The following UBE2E2 variants were observed in gnomAD, a reference collection of about 807,000 sequenced individuals.
UBE2E2 encodes the protein ubiquitin-conjugating enzyme E2 E2.
Under a neutral mutation model 24.7 loss-of-function variants are expected in UBE2E2, and 6 were observed. The observed-to-expected ratio is 0.24, with a 90% CI of 0.13 to 0.48. The LOEUF is 0.48. Among genes scored for constraint, UBE2E2 ranks in the 20% least tolerant of loss-of-function variants. The pLI, the probability that UBE2E2 is intolerant of heterozygous loss-of-function variation, is 0.99. For synonymous variants in UBE2E2, 104 were observed against 83.6 expected (o/e 1.24, Z -1.33); for missense variants, 169 against 245.0 (o/e 0.69, Z 2.07).
intron 3 of UBE2E2, among the ~76,000 whole-genome samples, chr3:23,284,711 A>ATT (rs1009461952): frequency 2.6e-5 from 4 of 151,688 alleles, no homozygotes; most frequent in African/African-American, 7.3e-5. Flanking sequence ...GTAGGTGGTG[A>ATT]TTATATATAT....
At chr3:23,565,113 G>C (rs1045968631) in intron 5 of UBE2E2, among the ~76,000 whole-genome samples, 2 of 152,060 alleles carry the variant, frequency 1.3e-5, no homozygotes, top group African/African-American at 4.8e-5. Flanking sequence ...CCATTATTTT[G>C]TGTCAGTTTC....
chr3:23,235,823 T>C (rs1326486196), intron 3 of UBE2E2, among the ~76,000 whole-genome samples: 1 of 152,080 alleles, frequency 6.6e-6, no homozygotes, highest in South Asian at 2.1e-4. Flanking sequence ...AGATAAGTGG[T>C]TTGATGGACA....
chr3:23,571,280 C>CTTTCTTTCTTTTTTTTTTTTTTTTTT (rs1696218039), intron 5 of UBE2E2, among the ~76,000 whole-genome samples: 1 of 29,866 alleles, frequency 3.3e-5, no homozygotes, highest in African/African-American at 1.0e-4. Context: ...GTGCTCCTTT[C>CTTTCTTTCTTTTTTTTTTTTTTTTTT]TTTTTTTTTT....
chr3:23,328,065 T>TG (rs56804241), intron 3 of UBE2E2, among the ~76,000 whole-genome samples: 5 of 150,286 alleles, frequency 3.3e-5, no homozygotes, highest in African/African-American at 9.8e-5. Context: ...GTGGTCATGA[T>TG]ATATAAATAC....
intron 3 of UBE2E2, among the ~76,000 whole-genome samples, chr3:23,265,512 G>T (rs1698024396): frequency 6.6e-6 from 1 of 151,138 alleles, no homozygotes; most frequent in South Asian, 2.1e-4. Flanking sequence ...CATGGAATAA[G>T]CTAAAGAACA....
At position 23,269,116 on chromosome 3, in the gene UBE2E2, G is replaced by T. The variant is rs565042214; in HGVS notation, c.227+51804G>T. Among the ~76,000 whole-genome samples the T allele has an allele frequency of 5.1e-3, 776 of 152,032 alleles. 6 individuals are homozygous for T. The highest frequency in any genetic ancestry group is 0.018 in the African/African-American group (741 of 41,458). ...ATAAAAACCCTAGAAGAAAACCTAG[G>T]CATTACTGTTCAGGACATAGGCATG... On this transcript the variant is annotated intron_variant, in intron 3 of 5. Coordinates refer to ENST00000396703, the MANE Select transcript of UBE2E2 (RefSeq NM_152653.4).
intron 3 of UBE2E2, among the ~76,000 whole-genome samples, chr3:23,455,816 A>G (rs1198374272): frequency 6.6e-6 from 1 of 152,178 alleles, no homozygotes; most frequent in African/African-American, 2.4e-5. Context: ...TCACTGATCA[A>G]GGTGGTGGTT....
chr3:23,346,339 T>C (rs1362124403), intron 3 of UBE2E2, among the ~76,000 whole-genome samples: 2 of 152,168 alleles, frequency 1.3e-5, no homozygotes, highest in Non-Finnish European at 2.9e-5. Context: ...ACCTTTTATC[T>C]CTAGTCTACT....
intron 3 of UBE2E2, among the ~76,000 whole-genome samples, chr3:23,254,733 G>A (rs1354683377): frequency 2.0e-5 from 3 of 152,088 alleles, no homozygotes; most frequent in African/African-American, 7.2e-5. Flanking sequence ...TAGCCAAGAA[G>A]GACTTGCTAT....
intron 3 of UBE2E2, among the ~76,000 whole-genome samples, chr3:23,364,139 A>G (rs575338649): frequency 2.0e-5 from 3 of 152,138 alleles, no homozygotes; most frequent in Non-Finnish European, 4.4e-5. Flanking sequence ...AGTATATAGC[A>G]CTAAACACCC....
At chr3:23,423,784 A>G (rs1336002740) in intron 3 of UBE2E2, among the ~76,000 whole-genome samples, 1 of 152,150 alleles carries the variant, frequency 6.6e-6, no homozygotes. Context: ...TGAGAATATG[A>G]TAATAAACCC....
At chr3:23,429,729 A>C (rs1698010931) in intron 3 of UBE2E2, among the ~76,000 whole-genome samples, 1 of 152,234 alleles carries the variant, frequency 6.6e-6, no homozygotes, top group Non-Finnish European at 1.5e-5. Flanking sequence ...GGAAGAAATT[A>C]GACTTTCTTC....
Position 23,273,265 on chromosome 3 carries a change from C to T in UBE2E2, c.227+55953C>T, listed in dbSNP as rs545509487. ...CTTTAAGAGAAATGATGGGGCCGGG[C>T]GCAGTGGCTCACGCCTGTAATCCCA... On this transcript the variant is annotated intron_variant, in intron 3 of 5. Transcript: ENST00000396703. Among the ~76,000 whole-genome samples, 20 of 152,218 alleles carry T rather than the reference C, an allele frequency of 1.3e-4. No individual in the cohort carries two copies. In the East Asian group the frequency reaches 3.1e-3, roughly 24 times the overall value.
At chr3:23,465,259 T>G (rs908065700) in intron 3 of UBE2E2, among the ~76,000 whole-genome samples, 34 of 152,238 alleles carry the variant, frequency 2.2e-4, no homozygotes, top group African/African-American at 7.9e-4. Context: ...AGCTAATAAG[T>G]GGCCAAATGA....
At chr3:23,514,798 A>G (rs960482198) in intron 4 of UBE2E2, among the ~76,000 whole-genome samples, 3 of 152,132 alleles carry the variant, frequency 2.0e-5, no homozygotes, top group Non-Finnish European at 2.9e-5. Flanking sequence ...GGGATTAAGA[A>G]TTGAGGCCAC....
At chr3:23,333,589 C>G (rs925600222) in intron 3 of UBE2E2, among the ~76,000 whole-genome samples, 2 of 152,022 alleles carry the variant, frequency 1.3e-5, no homozygotes, top group Non-Finnish European at 2.9e-5. Flanking sequence ...AAATTAAGAC[C>G]CTACAAAGCT....
intron 3 of UBE2E2, among the ~76,000 whole-genome samples, chr3:23,276,221 C>T (rs750628113): frequency 6.6e-6 from 1 of 152,028 alleles, no homozygotes; most frequent in East Asian, 1.9e-4. Context: ...ATCCTACCTT[C>T]CCCCACCAAG....
At chr3:23,293,581 A>G (rs1698827471) in intron 3 of UBE2E2, among the ~76,000 whole-genome samples, 1 of 152,200 alleles carries the variant, frequency 6.6e-6, no homozygotes, top group Non-Finnish European at 1.5e-5. Context: ...TGGGGAATTC[A>G]CTGAAGTATA....
chr3:23,440,834 C>T (rs1362701090), intron 3 of UBE2E2, among the ~76,000 whole-genome samples: 1 of 151,938 alleles, frequency 6.6e-6, no homozygotes, highest in Non-Finnish European at 1.5e-5. Context: ...GCCAGTTTGT[C>T]CCCCCAACTT....
Sources: allele counts gnomAD v4.1 joint callset (sites outside exome capture counted in the v4.1 genomes callset), GRCh38; gene constraint gnomAD v4.1.1; transcripts MANE v1.5; gene names NCBI Gene and HGNC (gene_info 2026-07-23, HGNC 2026-07-21).